SLC41A3: variants seen among roughly 807,000 people sequenced by gnomAD.
SLC41A3 encodes solute carrier family 41 member 3.
SLC41A3 carries 44 observed loss-of-function variants against 45.4 expected under a neutral mutation model. That is an observed-to-expected ratio of 0.97 (90% confidence interval 0.76 to 1.25). The LOEUF (loss-of-function observed/expected upper bound fraction) is 1.25. Among genes scored for constraint, SLC41A3 ranks in the 50% most tolerant of loss-of-function variants. The pLI is 0.00. For synonymous variants in SLC41A3, 256 were observed against 252.4 expected, an observed-to-expected ratio of 1.01 and a Z score of -0.13; for missense variants, 550 against 600.6, an observed-to-expected ratio of 0.92 and a Z score of 0.88.
chr3:126,098,913 G>T (rs1031149930), intron 1 of SLC41A3, among the ~76,000 whole-genome samples: 5 of 148,016 alleles, frequency 3.4e-5, no homozygotes, highest in African/African-American at 1.3e-4. Flanking sequence ...AGGAGGGATG[G>T]ACATGACCTG....
At position 126,012,732 on chromosome 3, in the gene SLC41A3, C is replaced by T; in HGVS notation, c.988G>A (p.Val330Met). The change falls in exon 9 of 11, where the codon GTG becomes ATG. Residue 330 changes from valine to methionine, a missense_variant. Val to Met is a conservative substitution (Grantham distance 21, BLOSUM62 1). Transcript: ENST00000360370. The part of the protein sequence containing the change: ...PVICGVGGNL[V>M]AIQTSRISTY... Reference sequence around the variant, plus strand: ...GAGATTCGGCTGGTCTGAATGGCCACCAGATTGCCACCAACACCTACGAGG... The same window carrying T: ...GAGATTCGGCTGGTCTGAATGGCCATCAGATTGCCACCAACACCTACGAGG... The T allele has an allele frequency of 6.2e-7, 1 of 1,614,178 alleles. No homozygotes were observed. The highest frequency in any genetic ancestry group is 8.5e-7 in the Non-Finnish European group (1 of 1,180,018).
At chr3:126,065,524 T>A (rs918586974) in intron 2 of SLC41A3, among the ~76,000 whole-genome samples, 6 of 152,186 alleles carry the variant, frequency 3.9e-5, no homozygotes, top group Admixed American at 6.5e-5. Context: ...CTCTCATATA[T>A]GCAATGAAAA....
intron 2 of SLC41A3, chr3:126,067,496 G>A (rs1415198614): frequency 7.9e-6 from 3 of 378,288 alleles, no homozygotes; most frequent in Admixed American, 3.1e-5. Flanking sequence ...CTGAAGACAC[G>A]GAGAAAAGGC....
intron 8 of SLC41A3, 152 bp downstream of exon 8, chr3:126,015,342 A>G: frequency 1.4e-6 from 1 of 697,886 alleles, no homozygotes; most frequent in Non-Finnish European, 2.4e-6. Context: ...CTGCTCCAGC[A>G]TCCCTGTAAG....
chr3:126,059,975 C>T (rs950070116), intron 2 of SLC41A3, among the ~76,000 whole-genome samples: 27 of 152,200 alleles, frequency 1.8e-4, no homozygotes, highest in African/African-American at 6.0e-4. Context: ...CATCACACAA[C>T]GTATAATCAT....
intron 3 of SLC41A3, among the ~76,000 whole-genome samples, chr3:126,048,743 C>T (rs577073815): frequency 6.6e-6 from 1 of 152,036 alleles, no homozygotes; most frequent in Admixed American, 6.5e-5. Flanking sequence ...CAAAGGGGGC[C>T]GGTATGGAGT....
chr3:126,022,230 A>G (rs1940949029), intron 6 of SLC41A3, among the ~76,000 whole-genome samples: 1 of 152,376 alleles, frequency 6.6e-6, no homozygotes, highest in Non-Finnish European at 1.5e-5. Flanking sequence ...GTTTCTCCAG[A>G]TAGCTGGACT....
chr3:126,074,444 T>C (rs1481345590), intron 1 of SLC41A3, among the ~76,000 whole-genome samples: 4 of 151,972 alleles, frequency 2.6e-5, no homozygotes, highest in Admixed American at 6.5e-5. Context: ...GCCAGCACAA[T>C]TCAGCAAGGA....
chr3:126,071,687 T>C (rs9860397), intron 1 of SLC41A3, among the ~76,000 whole-genome samples: 52,098 of 152,000 alleles, frequency 0.34, 9,247 homozygotes, highest in East Asian at 0.52. Flanking sequence ...ATACAAAATA[T>C]GTTTTCCAAC....
intron 2 of SLC41A3, among the ~76,000 whole-genome samples, chr3:126,060,336 T>C (rs1576333844): frequency 6.6e-6 from 1 of 152,052 alleles, no homozygotes; most frequent in South Asian, 2.1e-4. Flanking sequence ...CCAGAATCAC[T>C]TGAACCTGGG....
At chr3:126,056,240 T>C in intron 2 of SLC41A3, 1 of 1,328,998 alleles carries the variant, frequency 7.5e-7, no homozygotes, top group Non-Finnish European at 1.0e-6. Flanking sequence ...AAGGGCAGGT[T>C]GAGGGCTGCC....
In SLC41A3 at chr3:126,016,826, G is replaced by A; in HGVS notation, c.795C>T (p.Thr265=). 5 of 1,612,516 alleles carry A rather than the reference G, an allele frequency of 3.1e-6. No homozygotes were observed. Among genetic ancestry groups the A allele is most frequent in the Non-Finnish European group, 4.2e-6 (5 of 1,179,586 alleles). The change falls in exon 7 of 11, where the codon ACC becomes ACT. Residue 265 remains threonine, a synonymous_variant. Coordinates refer to ENST00000360370, the MANE Select transcript of SLC41A3 (RefSeq NM_017836.4). The part of the protein sequence containing the change: ...PLVCLSFAAL[T]PVWVLIAKQS... ...GCTTGGCAATGAGGACCCACACTGG[G>A]GTCAGAGCCGCAAAGCTGAGGCAGA...
At chr3:126,033,192 G>T (rs1383319204) in intron 4 of SLC41A3, among the ~76,000 whole-genome samples, 1 of 152,182 alleles carries the variant, frequency 6.6e-6, no homozygotes, top group South Asian at 2.1e-4. Flanking sequence ...AGGCAGGAAG[G>T]ATCTACAGAT....
intron 1 of SLC41A3, among the ~76,000 whole-genome samples, chr3:126,097,394 C>A (rs1169646539): frequency 6.6e-6 from 1 of 152,148 alleles, no homozygotes; most frequent in Non-Finnish European, 1.5e-5. Flanking sequence ...ATGGCCTCTC[C>A]CTGGCGCTGT....
intron 9 of SLC41A3, 119 bp from the exon 10 acceptor site, chr3:126,008,999 C>A (rs949485103): frequency 1.6e-6 from 2 of 1,268,376 alleles, no homozygotes; most frequent in East Asian, 5.0e-5. Flanking sequence ...GTTCACTGGA[C>A]ACCTACTCTG....
At chr3:126,072,904 G>A (rs1944693468) in intron 1 of SLC41A3, among the ~76,000 whole-genome samples, 1 of 152,190 alleles carries the variant, frequency 6.6e-6, no homozygotes, top group Non-Finnish European at 1.5e-5. Flanking sequence ...TAAAGAATAT[G>A]TAGTACATAT....
intron 8 of SLC41A3, among the ~76,000 whole-genome samples, chr3:126,013,701 C>G (rs146208644): frequency 6.6e-6 from 1 of 152,154 alleles, no homozygotes; most frequent in African/African-American, 2.4e-5. Flanking sequence ...GAAGAAAAGA[C>G]GTTGTCTGCT....
chr3:126,029,165 G>C (rs1166816964), intron 4 of SLC41A3, among the ~76,000 whole-genome samples: 1 of 152,168 alleles, frequency 6.6e-6, no homozygotes, highest in Admixed American at 6.5e-5. Context: ...CATGAGATTT[G>C]GGGGGCCAGG....
chr3:126,037,491 C>A (rs543112276), intron 3 of SLC41A3, among the ~76,000 whole-genome samples: 1 of 152,282 alleles, frequency 6.6e-6, no homozygotes, highest in East Asian at 1.9e-4. Context: ...ACCCTTGTTA[C>A]ACCTTAGCAT....
Sources: gnomAD v4.1 joint callset for allele counts (sites outside exome capture counted in the v4.1 genomes callset) on GRCh38, gnomAD v4.1.1 for gene constraint, MANE v1.5 for transcripts, NCBI Gene and HGNC (gene_info 2026-07-23, HGNC 2026-07-21) for gene names.